Variants in NAT10 observed in about 807,000 individuals in gnomAD.
The protein encoded by NAT10 is RNA cytidine acetyltransferase.
Under a neutral mutation model 132.2 loss-of-function variants are expected in NAT10, and 109 were observed. The observed-to-expected ratio is 0.82, with a 90% CI of 0.71 to 0.97. NAT10 has a LOEUF of 0.97. Among genes scored for constraint, NAT10 ranks in the 50% least tolerant of loss-of-function variants. NAT10 has a pLI of 0.00. For missense variants in NAT10, 1,184 were observed against 1,263.4 expected (o/e 0.94, Z 0.95); for synonymous variants, 479 against 478.0 (o/e 1.00, Z -0.03).
chr11:34,142,106 A>G, intron 26 of NAT10, 169 bp from the exon 27 acceptor site: 2 of 670,848 alleles, frequency 3.0e-6, no homozygotes, highest in Non-Finnish European at 5.1e-6. Context: ...ATAGTTTATA[A>G]CAGAGCTACC....
At chr11:34,119,981 C>T (rs2957509) in intron 8 of NAT10, among the ~76,000 whole-genome samples, 129,845 of 152,136 alleles carry the variant, frequency 0.85, 56,101 homozygotes, top group East Asian at 1. Flanking sequence ...TCTACACCCT[C>T]GCAGCCGTGA....
At chr11:34,123,908 G>A (rs1851939344) in intron 10 of NAT10, 53 bp downstream of exon 10, 5 of 1,407,308 alleles carry the variant, frequency 3.6e-6, no homozygotes, top group Admixed American at 1.7e-5. Flanking sequence ...GGTGGCTCAC[G>A]CCTGTAATCC....
intron 26 of NAT10, 128 bp downstream of exon 26, chr11:34,141,945 T>C (rs2132982959): frequency 2.5e-6 from 2 of 792,750 alleles, no homozygotes; most frequent in South Asian, 3.6e-5. Context: ...AGTGCTATTC[T>C]GTAGGTTTAA....
At chr11:34,110,913 A>G (rs915050857) in intron 3 of NAT10, among the ~76,000 whole-genome samples, 3 of 152,190 alleles carry the variant, frequency 2.0e-5, no homozygotes, top group South Asian at 2.1e-4. Context: ...ATCTAGGTGT[A>G]TCTTACAGGG....
intron 1 of NAT10, among the ~76,000 whole-genome samples, chr11:34,106,391 C>CCTT (rs1373707267): frequency 6.6e-6 from 1 of 151,986 alleles, no homozygotes; most frequent in East Asian, 1.9e-4. Flanking sequence ...CTCAGCCCTT[C>CCTT]CTTCATCTGA....
intron 27 of NAT10, among the ~76,000 whole-genome samples, chr11:34,142,918 G>A (rs1167851994): frequency 1.3e-5 from 2 of 152,214 alleles, no homozygotes; most frequent in Non-Finnish European, 2.9e-5. Context: ...TGCTGGGTAT[G>A]TGAGGTGGAG....
chr11:34,135,341 T>A, intron 19 of NAT10, 50 bp downstream of exon 19: 1 of 1,526,886 alleles, frequency 6.5e-7, no homozygotes, highest in Non-Finnish European at 9.1e-7. Flanking sequence ...GGGAGGATAA[T>A]TCTCTGGGTT....
At chr11:34,125,616 T>C (rs1851974367) in intron 11 of NAT10, among the ~76,000 whole-genome samples, 1 of 152,188 alleles carries the variant, frequency 6.6e-6, no homozygotes, top group Admixed American at 6.5e-5. Context: ...GTTTTTCCCT[T>C]GAAGAAGACA....
chr11:34,109,634 T>G (rs996802707), intron 3 of NAT10, among the ~76,000 whole-genome samples: 5 of 152,226 alleles, frequency 3.3e-5, no homozygotes, highest in Non-Finnish European at 7.3e-5. Flanking sequence ...TAGTCAAGAC[T>G]TTTAGTCATA....
intron 9 of NAT10, among the ~76,000 whole-genome samples, chr11:34,123,038 T>A (rs776100808): frequency 6.6e-6 from 1 of 152,242 alleles, no homozygotes; most frequent in African/African-American, 2.4e-5. Context: ...TGTTTTTTTC[T>A]ACTGGGTTTG....
intron 16 of NAT10, among the ~76,000 whole-genome samples, chr11:34,133,497 C>T (rs1178371075): frequency 2.0e-5 from 3 of 152,180 alleles, no homozygotes; most frequent in East Asian, 3.8e-4. Flanking sequence ...TTTTTAATGC[C>T]TAGCATGGAT....
intron 26 of NAT10, 64 bp from the exon 27 acceptor site, chr11:34,142,211 C>T: frequency 6.6e-7 from 1 of 1,503,852 alleles, no homozygotes; most frequent in Non-Finnish European, 9.2e-7. Flanking sequence ...CCAGCTTCAC[C>T]TTTTCCTGTG....
chr11:34,122,018 A>G (rs1851903899), intron 8 of NAT10, among the ~76,000 whole-genome samples: 1 of 151,880 alleles, frequency 6.6e-6, no homozygotes, highest in Admixed American at 6.6e-5. Context: ...TCTACTAAAA[A>G]TATAAAAACT....
In NAT10 at chr11:34,134,386, C is replaced by T. The variant is rs761511280; in HGVS notation, c.1802C>T (p.Ser601Leu). The T allele has an allele frequency of 2.5e-6, 4 of 1,614,208 alleles. No homozygotes were observed. The South Asian group carries it at 4.4e-5, about 18-fold the overall frequency. Residue 601 changes from serine (S) to leucine (L), a missense_variant, in exon 17 of 29, where the codon TCA becomes TTA. By Grantham distance (145) the Ser-to-Leu change is moderately radical. Transcript: ENST00000257829. ...AGTCTGTCTCGAGGCAAGAAGGCTT[C>T]AGGGGACCTGATTCCATGGACAGTG... The part of the protein sequence containing the change: ...LNSLSRGKKA[S>L]GDLIPWTVSE...
intron 8 of NAT10, among the ~76,000 whole-genome samples, chr11:34,120,516 C>T (rs1025621430): frequency 6.6e-6 from 1 of 152,234 alleles, no homozygotes; most frequent in Non-Finnish European, 1.5e-5. Flanking sequence ...ATCTGGCCTT[C>T]TTCCCACCCT....
chr11:34,140,311 T>A, intron 23 of NAT10, 89 bp from the exon 24 acceptor site: 2 of 1,255,232 alleles, frequency 1.6e-6, no homozygotes, highest in Non-Finnish European at 2.3e-6. Flanking sequence ...TAGATGCTCC[T>A]GTGTGTTAGG....
chr11:34,108,687 G>T, intron 2 of NAT10, 55 bp from the exon 3 acceptor site: 2 of 1,506,012 alleles, frequency 1.3e-6, no homozygotes, highest in Non-Finnish European at 9.1e-7. Context: ...CTTAAGCCTG[G>T]CGGTCTCTAA....
In NAT10 at chr11:34,131,424, C is replaced by T. The variant is rs1487188624; in HGVS notation, c.1413C>T (p.Tyr471=). Residue 471 remains tyrosine, a synonymous_variant, in exon 14 of 29, where the codon TAC becomes TAT. Coordinates refer to ENST00000257829, the MANE Select transcript of NAT10 (RefSeq NM_024662.3). ...TTTCCCTCCAGGAGTCAATCCGATA[C>T]GCCCCTGGGGATGCAGTGGAGAAGT... ...YEVSLQESIR[Y]APGDAVEKWL... is the part of the protein sequence containing the mutation. The T allele has an allele frequency of 9.3e-6, 15 of 1,614,126 alleles. No homozygotes were observed. Among genetic ancestry groups the T allele is most frequent in the South Asian group, 5.5e-5 (5 of 91,080 alleles).
At chr11:34,143,252 C>T (rs1829638981) in intron 27 of NAT10, among the ~76,000 whole-genome samples, 193 bp from the exon 28 acceptor site, 1 of 152,224 alleles carries the variant, frequency 6.6e-6, no homozygotes, top group Non-Finnish European at 1.5e-5. Flanking sequence ...ATCCATAGAG[C>T]TAAGCACCAT....
Sources: allele counts gnomAD v4.1 joint callset (sites outside exome capture counted in the v4.1 genomes callset), GRCh38; gene constraint gnomAD v4.1.1; transcripts MANE v1.5; gene names NCBI Gene and HGNC (gene_info 2026-07-23, HGNC 2026-07-21).